The following CCT5 variants were observed in gnomAD, a reference collection of about 807,000 sequenced individuals.
The protein encoded by CCT5 is T-complex protein 1 subunit epsilon.
CCT5 carries 6 observed loss-of-function variants against 55.0 expected under a neutral mutation model. The observed-to-expected ratio is 0.11, with a 90% CI of 0.06 to 0.22. The LOEUF (loss-of-function observed/expected upper bound fraction) is 0.22. Among genes scored for constraint, CCT5 ranks in the 10% least tolerant of loss-of-function variants. The pLI is 1.00. For synonymous variants in CCT5, 231 were observed against 243.7 expected (o/e 0.95, Z 0.49); for missense variants, 560 against 694.6 (o/e 0.81, Z 2.18).
At chr5:10,252,504 C>T in intron 1 of CCT5, among the ~76,000 whole-genome samples, 1 of 151,590 alleles carries the variant, frequency 6.6e-6, no homozygotes, top group South Asian at 2.1e-4. Flanking sequence ...AATCCCAGAA[C>T]TTTGGGAGGC....
At chr5:10,249,931 A>AGT, upstream of CCT5, 1 of 649,772 alleles carries the variant, frequency 1.5e-6, no homozygotes, top group Non-Finnish European at 1.9e-6. Flanking sequence ...AAAAAAAAAA[A>AGT]AAACCGGAAA....
In CCT5 at chr5:10,262,517, T is replaced by C. The variant is rs746067421; in HGVS notation, c.1216T>C (p.Leu406=). The C allele has an allele frequency of 1.2e-6, 2 of 1,614,204 alleles. No individual in the cohort carries two copies. Among genetic ancestry groups the C allele is most frequent in the Non-Finnish European group, 1.7e-6 (2 of 1,180,036 alleles). ...EEAKRSLHDA[L]CVIRNLIRDN... ...GGCGAAACGATCCCTTCACGATGCTTTGTGTGTCATCCGGAACCTCATCCG... is the reference window on the plus strand; with the variant it reads ...GGCGAAACGATCCCTTCACGATGCTCTGTGTGTCATCCGGAACCTCATCCG... The change falls in exon 9 of 11, where the codon TTG becomes CTG. Residue 406 remains leucine (L), a synonymous_variant. Transcript: ENST00000280326.
intron 1 of CCT5, among the ~76,000 whole-genome samples, chr5:10,251,911 G>T (rs1174361551): frequency 6.6e-6 from 1 of 152,184 alleles, no homozygotes; most frequent in Non-Finnish European, 1.5e-5. Context: ...CAAACTGCAT[G>T]CATTTGTGCC....
chr5:10,261,758 C>A lies in CCT5; in HGVS notation c.1179+13C>A. On this transcript the variant is annotated intron_variant, in intron 8 of 10. Coordinates refer to ENST00000280326, the MANE Select transcript of CCT5 (RefSeq NM_012073.5). Reference sequence around the variant, plus strand: ...AGGAAATAAGATGGTGAGAATTCAACTATTTGTCCTATACTGTTGCTTATT... The same window carrying A: ...AGGAAATAAGATGGTGAGAATTCAAATATTTGTCCTATACTGTTGCTTATT... 2 of 1,607,686 alleles carry A rather than the reference C, an allele frequency of 1.2e-6. No homozygotes were observed. Among genetic ancestry groups the A allele is most frequent in the Non-Finnish European group, 1.7e-6 (2 of 1,174,294 alleles).
intron 6 of CCT5, among the ~76,000 whole-genome samples, chr5:10,260,418 G>A (rs1561050004): frequency 6.6e-6 from 1 of 152,234 alleles, no homozygotes; most frequent in Non-Finnish European, 1.5e-5. Flanking sequence ...ACATACTCAG[G>A]TGAAACTACT....
chr5:10,263,093 G>A, intron 9 of CCT5, 41 bp from the exon 10 acceptor site: 5 of 1,586,280 alleles, frequency 3.2e-6, no homozygotes, highest in Non-Finnish European at 4.3e-6. Flanking sequence ...GGGTTGTTTT[G>A]TTTCGCCAAG....
intron 7 of CCT5, chr5:10,261,139 T>A: frequency 1.7e-6 from 1 of 572,170 alleles, no homozygotes; most frequent in Non-Finnish European, 3.2e-6. Context: ...CTGTGTTGTC[T>A]CACTTGGCCC....
chr5:10,250,746 C>T (rs1302805364), intron 1 of CCT5: 10 of 1,241,078 alleles, frequency 8.1e-6, no homozygotes, highest in Non-Finnish European at 1.0e-5. Context: ...CCCCGCCCGG[C>T]TCCTCCAGCC....
chr5:10,252,403 T>C (rs1015812381), intron 1 of CCT5, among the ~76,000 whole-genome samples: 1 of 152,226 alleles, frequency 6.6e-6, no homozygotes, highest in African/African-American at 2.4e-5. Flanking sequence ...ATATGTATTT[T>C]GTTGAGATTC....
chr5:10,258,380 C>T lies in CCT5; in HGVS notation c.724-6C>T, dbSNP rs781230840. 6.8e-6 allele frequency: 11 copies of T among 1,613,964 alleles called. No homozygotes were observed. The highest frequency in any genetic ancestry group is 8.5e-6 in the Non-Finnish European group (10 of 1,180,020). ...CCAATTAAAATGTCTTTATGTTCCC[C>T]CATAGAAAGTGGAAGATGCGAAGAT... On this transcript the variant is annotated splice_polypyrimidine_tract_variant and splice_region_variant and intron_variant, in intron 5 of 10. Coordinates refer to ENST00000280326, the MANE Select transcript of CCT5 (RefSeq NM_012073.5).
rs904007268 is a variant in CCT5, at chr5:10,257,993, T to C, written c.531-118T>C. ...AATGCAGGTTGAGATGGCATTCCCCTCTAGAAGACTCAAAACATCGTTTGA... is the reference window on the plus strand; with the variant it reads ...AATGCAGGTTGAGATGGCATTCCCCCCTAGAAGACTCAAAACATCGTTTGA... On this transcript the variant is annotated intron_variant, in intron 4 of 10. Coordinates refer to ENST00000280326, the MANE Select transcript of CCT5 (RefSeq NM_012073.5). 7.4e-6 allele frequency: 8 copies of C among 1,075,338 alleles called. No homozygotes were observed. In the African/African-American group the frequency reaches 7.8e-5, roughly 10 times the overall value. 66.6% of individuals were successfully genotyped at this position (1,075,338 alleles called of 1,614,324 possible).
Position 10,256,166 on chromosome 5 carries a change from AGAT to A in CCT5, c.530+17_530+19del, listed in dbSNP as rs1467448809. On this transcript the variant is annotated intron_variant, in intron 4 of 10. Transcript: ENST00000280326. The stretch of plus-strand genomic sequence containing the variant: ...TGGGCTCCAAAGTGTACGTTTCAGT[AGAT>A]GATATGATTACCCATTTGTAGAGGA... 6.2e-7 allele frequency: 1 copy of A among 1,608,400 alleles called. No individual in the cohort carries two copies.
At chr5:10,259,882 G>A (rs1455779333) in intron 6 of CCT5, among the ~76,000 whole-genome samples, 1 of 152,116 alleles carries the variant, frequency 6.6e-6, no homozygotes, top group Non-Finnish European at 1.5e-5. Context: ...ATGACGATGG[G>A]GCTAGATAGT....
chr5:10,250,979 C>T, intron 1 of CCT5: 1 of 577,078 alleles, frequency 1.7e-6, no homozygotes, highest in Non-Finnish European at 2.2e-6. Flanking sequence ...AAAACGGACG[C>T]ACATAACCGT....
Position 10,263,580 on chromosome 5 carries a change from T to G in CCT5, c.1498+266T>G, listed in dbSNP as rs2445872. 0.23 allele frequency among the ~76,000 whole-genome samples: 35,103 copies of G among 152,196 alleles called. 5,426 individuals carry two copies. The highest frequency in any genetic ancestry group is 0.81 in the East Asian group (4,175 of 5,168). ...GACTTAGGTTTTAATCTCTGGTTTT[T>G]GGGAAGTAATGCCTTATTGCTGTTT... On this transcript the variant is annotated intron_variant, in intron 10 of 10. Transcript: ENST00000280326.
At chr5:10,255,537 A>T (rs1253497451) in intron 3 of CCT5, among the ~76,000 whole-genome samples, 2 of 151,872 alleles carry the variant, frequency 1.3e-5, no homozygotes, top group African/African-American at 4.8e-5. Flanking sequence ...TTTAAACAAA[A>T]TTCATCTTTG....
chr5:10,263,016 T>G, intron 9 of CCT5, 118 bp from the exon 10 acceptor site: 1 of 832,874 alleles, frequency 1.2e-6, no homozygotes, highest in Non-Finnish European at 2.0e-6. Flanking sequence ...AGACAGCCTG[T>G]TCTTACAATT....
chr5:10,260,137 C>T (rs1561049838), intron 6 of CCT5, among the ~76,000 whole-genome samples: 2 of 152,114 alleles, frequency 1.3e-5, no homozygotes, highest in Non-Finnish European at 2.9e-5. Flanking sequence ...TAGCAGGTAG[C>T]CTGGGAGGCC....
At chr5:10,250,039 A>G (rs994364333), upstream of CCT5, 16 of 1,542,454 alleles carry the variant, frequency 1.0e-5, no homozygotes, top group Non-Finnish European at 1.4e-5. Flanking sequence ...TCGAGAAACT[A>G]TCAGTGGTAA....
Sources: gnomAD v4.1 joint callset for allele counts (sites outside exome capture counted in the v4.1 genomes callset) on GRCh38, gnomAD v4.1.1 for gene constraint, MANE v1.5 for transcripts, NCBI Gene and HGNC (gene_info 2026-07-23, HGNC 2026-07-21) for gene names.